Variants in INTS1 observed in about 807,000 individuals in gnomAD.
INTS1 encodes the protein integrator complex subunit 1.
INTS1 carries 137 observed loss-of-function variants against 241.6 expected under a neutral mutation model. The observed-to-expected ratio is 0.57, with a 90% CI of 0.49 to 0.65. INTS1 has a LOEUF of 0.65. Ranked by LOEUF, INTS1 falls within the 30% of genes least tolerant of loss-of-function variation. INTS1 has a pLI of 0.00. For missense variants in INTS1, 3,073 were observed against 3,032.2 expected, an observed-to-expected ratio of 1.01 and a Z score of -0.32; for synonymous variants, 1,692 against 1,337.8, an observed-to-expected ratio of 1.26 and a Z score of -5.78.
chr7:1,488,383 C>G (rs1372043222), intron 18 of INTS1, among the ~76,000 whole-genome samples: 2 of 152,166 alleles, frequency 1.3e-5, no homozygotes, highest in Admixed American at 1.3e-4. Context: ...GTGGCTTCGG[C>G]GTGTTCCAAA....
rs1584257487 is a variant in INTS1 at position 1,474,173 on chromosome 7, G to A, written c.5824C>T (p.Leu1942=). The A allele has an allele frequency of 6.4e-7, 1 of 1,567,270 alleles. No individual in the cohort carries two copies. Among genetic ancestry groups the A allele is most frequent in the Middle Eastern group, 1.8e-4 (1 of 5,432 alleles). The change falls in exon 41 of 48, where the codon CTG becomes TTG. Residue 1942 remains leucine, a synonymous_variant. Coordinates refer to ENST00000404767, the MANE Select transcript of INTS1 (RefSeq NM_001080453.3). ...CGGGCGGCGGGAGCACACACCAGCAGCAGGCGGATGAAGGACAGAAGGCAG... is the reference window on the plus strand; with the variant it reads ...CGGGCGGCGGGAGCACACACCAGCAACAGGCGGATGAAGGACAGAAGGCAG... The part of the protein sequence containing the change: ...WDCLLSFIRL[L]LNYRKSSRHL...
At chr7:1,471,100 T>C (rs1489562151) in intron 46 of INTS1, 33 bp downstream of exon 46, 2 of 1,542,520 alleles carry the variant, frequency 1.3e-6, no homozygotes, top group Non-Finnish European at 1.8e-6. Context: ...GGCCCAGCGG[T>C]GGCGGCGGGA....
In INTS1 at chr7:1,484,030, G is replaced by C; in HGVS notation, c.3402C>G (p.Ser1134Arg). The C allele has an allele frequency of 6.2e-7, 1 of 1,610,628 alleles. No homozygotes were observed. The highest frequency in any genetic ancestry group is 8.5e-7 in the Non-Finnish European group (1 of 1,178,772). Reference protein sequence around the residue: ...FSRYVRRMRQSKEGEEVYSWS... With the variant: ...FSRYVRRMRQRKEGEEVYSWS... ...AGCTGTAGACCTCCTCGCCCTCCTT[G>C]CTCTGCCGCATGCGCCTCACGTAGC... The change falls in exon 25 of 48, where the codon AGC (serine) becomes AGG (arginine). Residue 1134 changes from serine to arginine, a missense_variant. Physicochemically the swap from Ser to Arg is moderately radical, Grantham distance 110. Transcript: ENST00000404767.
At chr7:1,504,050 G>A (rs1159463210) in intron 1 of INTS1, 49 bp from the exon 2 acceptor site, 3 of 991,834 alleles carry the variant, frequency 3.0e-6, no homozygotes, top group East Asian at 2.9e-5. Flanking sequence ...TCGCTCGTTC[G>A]CTCGCTCATT....
Position 1,484,181 on chromosome 7 carries a change from G to A in INTS1, c.3262-11C>T, listed in dbSNP as rs757804569. On this transcript the variant is annotated splice_polypyrimidine_tract_variant and intron_variant, in intron 24 of 47. Transcript: ENST00000404767. The stretch of plus-strand genomic sequence containing the variant: ...CAGCCGGGCCACGTCCTGGTGTGTG[G>A]ACAGGGGGGCGTCAGAGGCTCCGAG... 2.5e-6 allele frequency: 4 copies of A among 1,600,110 alleles called. No homozygotes were observed. The Admixed American group carries it at 6.7e-5, about 27-fold the overall frequency.
Position 1,470,948 on chromosome 7 carries a change from C to A in INTS1, c.6355G>T (p.Ala2119Ser). 1 of 1,563,336 alleles carries A rather than the reference C, an allele frequency of 6.4e-7. No individual in the cohort carries two copies. Among genetic ancestry groups the A allele is most frequent in the Non-Finnish European group, 8.7e-7 (1 of 1,154,808 alleles). ...TACATGAACGTGGGCAGGAAAGCGG[C>A]TGCAATGCTGAAAGACCCACACACT... ...RSMQNSPSIA[A>S]AFLPTFMYCL... The change falls in exon 47 of 48, where the codon GCC (alanine) becomes TCC (serine). Residue 2119 changes from alanine to serine, a missense_variant. Coordinates refer to ENST00000404767, the MANE Select transcript of INTS1 (RefSeq NM_001080453.3).
chr7:1,471,720 G>A (rs1562482316), intron 44 of INTS1, 79 bp from the exon 45 acceptor site: 2 of 1,390,512 alleles, frequency 1.4e-6, no homozygotes, highest in South Asian at 2.3e-5. Flanking sequence ...CACCCAGAGG[G>A]GGCAAGGCCC....
At chr7:1,488,384 G>A (rs561278641) in intron 18 of INTS1, among the ~76,000 whole-genome samples, 6 of 152,266 alleles carry the variant, frequency 3.9e-5, no homozygotes, top group East Asian at 3.9e-4. Flanking sequence ...TGGCTTCGGC[G>A]TGTTCCAAAA....
chr7:1,495,394 G>A (rs1237802461), intron 13 of INTS1, 39 bp downstream of exon 13: 1 of 1,582,836 alleles, frequency 6.3e-7, no homozygotes, highest in African/African-American at 1.3e-5. Flanking sequence ...CCGGCTCAGT[G>A]GGGTGTGGGA....
At chr7:1,472,926 T>G in intron 43 of INTS1, 146 bp downstream of exon 43, 1 of 567,222 alleles carries the variant, frequency 1.8e-6, no homozygotes, top group Non-Finnish European at 3.1e-6. Context: ...TTGAGGTGGG[T>G]CAGGGGCCAG....
In INTS1 at chr7:1,498,966, C is replaced by G; in HGVS notation, c.1137+9G>C. The G allele has an allele frequency of 6.8e-7, 1 of 1,468,404 alleles. No individual in the cohort carries two copies. Among genetic ancestry groups the G allele is most frequent in the Non-Finnish European group, 9.2e-7 (1 of 1,090,436 alleles). 91.0% of individuals were successfully genotyped at this position (1,468,404 alleles called of 1,614,324 possible). ...CTGCCCCGCCCACCCCCCCGGGGCG[C>G]CCCCGCACCTTGGGGTTCTGCAGCC... On this transcript the variant is annotated intron_variant, in intron 8 of 47. Coordinates refer to ENST00000404767, the MANE Select transcript of INTS1 (RefSeq NM_001080453.3).
intron 3 of INTS1, among the ~76,000 whole-genome samples, chr7:1,501,542 G>A (rs953053019): frequency 3.9e-5 from 6 of 152,122 alleles, no homozygotes; most frequent in Non-Finnish European, 5.9e-5. Flanking sequence ...CTACCACTCA[G>A]AATACGCTTT....
chr7:1,472,239 T>C, intron 44 of INTS1, 34 bp downstream of exon 44: 1 of 1,476,754 alleles, frequency 6.8e-7, no homozygotes, highest in Non-Finnish European at 9.3e-7. Context: ...CCCAGGGCGC[T>C]GACCTGGCGT....
chr7:1,484,852 C>T (rs1278286457), intron 24 of INTS1, among the ~76,000 whole-genome samples: 1 of 152,154 alleles, frequency 6.6e-6, no homozygotes, highest in African/African-American at 2.4e-5. Flanking sequence ...GCCCTCCCAC[C>T]CTCAATGCCT....
At position 1,481,618 on chromosome 7, in the gene INTS1, GT is replaced by G. The variant is rs1782002024; in HGVS notation, c.3704-131del. ...TGAGACCCTGGGCCACGTGGGCTCG[GT>G]GACCCCACCCAAGACCTGGGGCAGT... On this transcript the variant is annotated intron_variant, in intron 27 of 47. Coordinates refer to ENST00000404767, the MANE Select transcript of INTS1 (RefSeq NM_001080453.3). The surrounding 1 kb of genome is among the most constrained non-coding windows in gnomAD (Gnocchi z 6.8). 2 of 803,960 alleles carry G rather than the reference GT, an allele frequency of 2.5e-6. No homozygotes were observed. Among genetic ancestry groups the G allele is most frequent in the Non-Finnish European group, 3.4e-6 (2 of 581,914 alleles). 49.8% of individuals were successfully genotyped at this position (803,960 alleles called of 1,614,324 possible).
rs533360979 is a variant in INTS1 at position 1,479,741 on chromosome 7, G to T, written c.4075-57C>A. 16 of 1,429,818 alleles carry T rather than the reference G, an allele frequency of 1.1e-5. No homozygotes were observed. The South Asian group carries it at 2.4e-4, about 21-fold the overall frequency. The allele number at this position is 1,429,818 out of a possible 1,614,324, so 88.6% of individuals were successfully genotyped here. On this transcript the variant is annotated intron_variant, in intron 30 of 47. Coordinates refer to ENST00000404767, the MANE Select transcript of INTS1 (RefSeq NM_001080453.3). ...GCGGAGGAGAAGGAGGAGGAGCGCA[G>T]CGGAGAGGCTAAGCGCCCGGTGCAG...
rs536924878 is a variant in INTS1, at chr7:1,504,362, G to T, written c.-81C>A. 15 of 493,626 alleles carry T rather than the reference G, an allele frequency of 3.0e-5. No homozygotes were observed. Among genetic ancestry groups the T allele is most frequent in the African/African-American group, 2.6e-4 (13 of 50,070 alleles). 30.6% of individuals were successfully genotyped at this position (493,626 alleles called of 1,614,324 possible). On this transcript the variant is annotated 5_prime_UTR_variant, in exon 1 of 48. Transcript: ENST00000404767. ...GACCGGAGCGCCGCCGCCGCCACCC[G>T]GCCACCCCGGAATCGGAAACCGATC...
chr7:1,502,034 T>G (rs902068392), intron 3 of INTS1, among the ~76,000 whole-genome samples: 1 of 152,090 alleles, frequency 6.6e-6, no homozygotes, highest in Non-Finnish European at 1.5e-5. Context: ...CTCACAGGCT[T>G]GCACTGCAGC....
chr7:1,499,360 C>G lies in INTS1; in HGVS notation c.845G>C (p.Gly282Ala), dbSNP rs958260964. ...AGRVAGDLGA[G>A]SSPHPSLTEE... ...CGTGAGGGAGGGGTGTGGGCTGCTC[C>G]CTGCAAACCAAGGAGAGGGCTCCAT... Residue 282 changes from glycine (G) to alanine (A), a missense_variant and splice_region_variant, in exon 7 of 48, where the codon GGG becomes GCG. Coordinates refer to ENST00000404767, the MANE Select transcript of INTS1 (RefSeq NM_001080453.3). The G allele has an allele frequency of 6.4e-7, 1 of 1,574,598 alleles. No individual in the cohort carries two copies.
Sources: gnomAD v4.1 joint callset for allele counts (sites outside exome capture counted in the v4.1 genomes callset) on GRCh38, gnomAD v4.1.1 for gene constraint, Gnocchi (gnomAD v3.1) non-coding constraint, MANE v1.5 for transcripts, NCBI Gene and HGNC (gene_info 2026-07-23, HGNC 2026-07-21) for gene names.